The following RARB variants were observed in gnomAD, a reference collection of about 807,000 sequenced individuals.
RARB encodes the protein retinoic acid receptor beta.
In RARB, 17 loss-of-function variants were observed where a neutral mutation model predicts 51.9. The ratio of observed to expected loss-of-function variants is 0.33; its 90% CI spans 0.22 to 0.49. The LOEUF (loss-of-function observed/expected upper bound fraction) is 0.49, where lower values mean the gene tolerates loss of function less well. RARB is among the 20% of genes least tolerant of loss of function. RARB has a pLI of 0.99. For missense variants in RARB, 369 were observed against 550.8 expected, an observed-to-expected ratio of 0.67 and a Z score of 3.30; for synonymous variants, 215 against 195.4, an observed-to-expected ratio of 1.10 and a Z score of -0.84.
At chr3:24,998,531 G>A (rs996030471) in intron 2 of RARB, among the ~76,000 whole-genome samples, 6 of 151,092 alleles carry the variant, frequency 4.0e-5, no homozygotes, top group African/African-American at 1.2e-4. Context: ...TCCTTTTTGC[G>A]TTCAGAACAG....
chr3:25,337,818 T>C (rs143998391), intron 5 of RARB, among the ~76,000 whole-genome samples: 71 of 152,240 alleles, frequency 4.7e-4, no homozygotes, highest in Non-Finnish European at 9.4e-4. Flanking sequence ...CGTTTCTTGT[T>C]TGCCCTCTTC....
intron 2 of RARB, among the ~76,000 whole-genome samples, chr3:24,938,786 C>G (rs984808570): frequency 2.6e-5 from 4 of 152,132 alleles, no homozygotes; most frequent in Non-Finnish European, 5.9e-5. Context: ...TTTGCCTATT[C>G]TAAGTACCTC....
chr3:25,571,074 A>G (rs3773445), intron 4 of RARB, among the ~76,000 whole-genome samples: 69,976 of 151,776 alleles, frequency 0.46, 16,188 homozygotes, highest in African/African-American at 0.52. Flanking sequence ...AGGGGCGCCC[A>G]TGGAATCTGG....
chr3:25,366,976 T>C (rs1419119328), intron 5 of RARB, among the ~76,000 whole-genome samples: 2 of 152,076 alleles, frequency 1.3e-5, no homozygotes, highest in Non-Finnish European at 2.9e-5. Flanking sequence ...CGTAAAGAAA[T>C]TTGGATTGAA....
chr3:25,436,810 A>G (rs891870140), intron 1 of RARB, among the ~76,000 whole-genome samples: 1 of 152,200 alleles, frequency 6.6e-6, no homozygotes, highest in African/African-American at 2.4e-5. Context: ...TCCCTTTCCA[A>G]GAGTTTTACT....
chr3:25,166,781 C>T (rs576685933), intron 4 of RARB, among the ~76,000 whole-genome samples: 3 of 152,162 alleles, frequency 2.0e-5, no homozygotes, highest in Non-Finnish European at 2.9e-5. Context: ...TCCTGTGTCT[C>T]AAGGCCAACT....
At chr3:25,390,565 A>G (rs1286190159) in intron 5 of RARB, among the ~76,000 whole-genome samples, 2 of 151,322 alleles carry the variant, frequency 1.3e-5, no homozygotes, top group African/African-American at 2.4e-5. Flanking sequence ...GAATATTAGA[A>G]GACCCGTTCA....
chr3:25,346,372 A>G (rs775351446), intron 5 of RARB, among the ~76,000 whole-genome samples: 1 of 152,212 alleles, frequency 6.6e-6, no homozygotes, highest in Non-Finnish European at 1.5e-5. Flanking sequence ...TTTTATAGTC[A>G]TCAGCCCCAA....
intron 5 of RARB, among the ~76,000 whole-genome samples, chr3:25,315,942 C>T (rs1318724862): frequency 6.6e-6 from 1 of 152,090 alleles, no homozygotes; most frequent in Non-Finnish European, 1.5e-5. Context: ...GTCACCATAC[C>T]ATTTAGTTTT....
chr3:25,510,331 C>A (rs1367320128), intron 3 of RARB, among the ~76,000 whole-genome samples: 1 of 152,124 alleles, frequency 6.6e-6, no homozygotes, highest in Non-Finnish European at 1.5e-5. Context: ...ATCAAATATT[C>A]TATAATTACA....
intron 2 of RARB, among the ~76,000 whole-genome samples, chr3:25,038,477 A>G (rs1384706732): frequency 6.6e-6 from 1 of 152,032 alleles, no homozygotes; most frequent in African/African-American, 2.4e-5. Flanking sequence ...GGAGAGACTG[A>G]CCCCCACACA....
intron 2 of RARB, among the ~76,000 whole-genome samples, chr3:24,865,067 A>G (rs538018503): frequency 6.6e-6 from 1 of 152,194 alleles, no homozygotes; most frequent in Non-Finnish European, 1.5e-5. Flanking sequence ...CCAGAAATAC[A>G]TGTCTCCCTA....
At chr3:25,530,718 A>T (rs1698864987) in intron 3 of RARB, among the ~76,000 whole-genome samples, 1 of 152,222 alleles carries the variant, frequency 6.6e-6, no homozygotes, top group Non-Finnish European at 1.5e-5. Flanking sequence ...GCTGATTAGT[A>T]ATCTCAATTC....
At chr3:25,402,252 T>C (rs1185551840) in intron 5 of RARB, among the ~76,000 whole-genome samples, 1 of 152,192 alleles carries the variant, frequency 6.6e-6, no homozygotes, top group African/African-American at 2.4e-5. Flanking sequence ...GCCAGTTTCA[T>C]CCAACACTAT....
chr3:25,404,847 C>T (rs1707363556), intron 5 of RARB, among the ~76,000 whole-genome samples: 1 of 152,108 alleles, frequency 6.6e-6, no homozygotes, highest in African/African-American at 2.4e-5. Context: ...AACCTCCAAC[C>T]CAGTTGTTGA....
At chr3:25,485,899 T>TC (rs1391286516) in intron 2 of RARB, among the ~76,000 whole-genome samples, 1 of 152,072 alleles carries the variant, frequency 6.6e-6, no homozygotes, top group East Asian at 1.9e-4. Flanking sequence ...GGTCAGGAGT[T>TC]CAATTTGAAG....
chr3:25,122,773 C>T (rs868462148), intron 3 of RARB, among the ~76,000 whole-genome samples: 15 of 152,260 alleles, frequency 9.9e-5, no homozygotes, highest in African/African-American at 3.4e-4. Context: ...TGGTGGACAT[C>T]TCAATCTCAG....
At chr3:24,985,633 T>A (rs1457601637) in intron 2 of RARB, among the ~76,000 whole-genome samples, 4 of 152,202 alleles carry the variant, frequency 2.6e-5, no homozygotes, top group Non-Finnish European at 4.4e-5. Flanking sequence ...AGAATAGATG[T>A]TTGCCATTTG....
chr3:25,200,247 T>C (rs961781364), intron 5 of RARB, among the ~76,000 whole-genome samples: 1 of 152,166 alleles, frequency 6.6e-6, no homozygotes. Context: ...ATGTCTTCTT[T>C]TGAGAACTGT....
Sources: allele counts gnomAD v4.1 joint callset (sites outside exome capture counted in the v4.1 genomes callset), GRCh38; gene constraint gnomAD v4.1.1; transcripts MANE v1.5; gene names NCBI Gene and HGNC (gene_info 2026-07-23, HGNC 2026-07-21).